Variants in FSTL5 observed in about 807,000 individuals in gnomAD.
The protein encoded by FSTL5 is follistatin like 5, also known as follistatin-related protein 5.
FSTL5 carries 62 observed loss-of-function variants against 89.1 expected under a neutral mutation model. The ratio of observed to expected loss-of-function variants is 0.70; its 90% CI spans 0.57 to 0.86. The LOEUF (loss-of-function observed/expected upper bound fraction) is 0.86, where lower values mean the gene tolerates loss of function less well. Among genes scored for constraint, FSTL5 ranks in the 40% least tolerant of loss-of-function variants. The pLI is 0.00. For missense variants in FSTL5, 1,057 were observed against 1,001.6 expected, an observed-to-expected ratio of 1.06 and a Z score of -0.75; for synonymous variants, 383 against 346.2, an observed-to-expected ratio of 1.11 and a Z score of -1.18.
chr4:161,892,232 T>A (rs1244350768), intron 4 of FSTL5, among the ~76,000 whole-genome samples: 3 of 152,010 alleles, frequency 2.0e-5, no homozygotes, highest in Non-Finnish European at 4.4e-5. Flanking sequence ...TTTTTTCTAC[T>A]AACTTTTCAA....
In FSTL5 at chr4:161,487,940, C is replaced by T. The variant is rs564788394; in HGVS notation, c.1459-6771G>A. Among the ~76,000 whole-genome samples, 42 of 152,134 alleles carry T rather than the reference C, an allele frequency of 2.8e-4. 1 individual carries two copies. In the South Asian group the frequency reaches 8.5e-3, roughly 31 times the overall value. ...GGTTTAGATTCCTAGGATATATTTA[C>T]AGTCATGTAGAAATATTTATCTCTA... On this transcript the variant is annotated intron_variant, in intron 12 of 15. Transcript: ENST00000306100.
intron 3 of FSTL5, 56 bp downstream of exon 3, chr4:162,033,569 T>G (rs1448658823): frequency 1.1e-6 from 1 of 921,526 alleles, no homozygotes; most frequent in Non-Finnish European, 1.6e-6. Context: ...TCACATATCT[T>G]TTTTCTTTCT....
At chr4:162,038,048 G>A (rs1453705675) in intron 2 of FSTL5, among the ~76,000 whole-genome samples, 1 of 151,820 alleles carries the variant, frequency 6.6e-6, no homozygotes, top group African/African-American at 2.4e-5. Context: ...CTGTCCACAC[G>A]ATTCATTTGA....
At chr4:161,965,095 C>A (rs955282005) in intron 3 of FSTL5, among the ~76,000 whole-genome samples, 10 of 152,012 alleles carry the variant, frequency 6.6e-5, no homozygotes, top group Non-Finnish European at 1.3e-4. Context: ...TAATTGTTTT[C>A]AATATTTTTC....
At chr4:162,009,740 A>T (rs1736708017) in intron 3 of FSTL5, among the ~76,000 whole-genome samples, 1 of 152,036 alleles carries the variant, frequency 6.6e-6, no homozygotes, top group South Asian at 2.1e-4. Flanking sequence ...TCATTCCTAC[A>T]TTATTCTATG....
intron 6 of FSTL5, among the ~76,000 whole-genome samples, chr4:161,710,269 A>T (rs868604198): frequency 3.9e-5 from 6 of 152,162 alleles, no homozygotes; most frequent in Non-Finnish European, 8.8e-5. Context: ...CACCTGGCCA[A>T]ACACAGACTT....
intron 4 of FSTL5, among the ~76,000 whole-genome samples, chr4:161,824,001 A>G (rs997827978): frequency 6.6e-6 from 1 of 152,138 alleles, no homozygotes; most frequent in Non-Finnish European, 1.5e-5. Context: ...TGCTGGGCAG[A>G]AGGTTTTTAT....
At chr4:161,490,990 C>A (rs979626659) in intron 12 of FSTL5, among the ~76,000 whole-genome samples, 3 of 151,902 alleles carry the variant, frequency 2.0e-5, no homozygotes, top group East Asian at 3.9e-4. Context: ...TAGCTCTGTA[C>A]CTACCTTCAT....
chr4:161,751,488 T>G (rs1740389132), intron 6 of FSTL5, among the ~76,000 whole-genome samples: 3 of 152,058 alleles, frequency 2.0e-5, no homozygotes, highest in African/African-American at 7.2e-5. Flanking sequence ...AACTCTAACA[T>G]AAAATGTTTT....
intron 5 of FSTL5, 107 bp from the exon 6 acceptor site, chr4:161,759,638 C>T (rs1740713099): frequency 1.5e-6 from 1 of 683,270 alleles, no homozygotes; most frequent in South Asian, 5.7e-5. Context: ...ATGTCTGCAG[C>T]AGGGCAAAAA....
At chr4:162,066,583 GC>G (rs1377612095) in intron 2 of FSTL5, among the ~76,000 whole-genome samples, 1 of 44,682 alleles carries the variant, frequency 2.2e-5, no homozygotes, top group African/African-American at 9.4e-5. Flanking sequence ...CCCTCCCCTT[GC>G]CCCCCCACCC....
chr4:161,761,962 T>G (rs1740826052), intron 5 of FSTL5, among the ~76,000 whole-genome samples: 1 of 152,196 alleles, frequency 6.6e-6, no homozygotes, highest in African/African-American at 2.4e-5. Flanking sequence ...GGGGAAGCTT[T>G]GTCACATTCT....
chr4:162,119,056 T>TA (rs948050663), intron 1 of FSTL5, among the ~76,000 whole-genome samples: 4 of 151,994 alleles, frequency 2.6e-5, no homozygotes, highest in Non-Finnish European at 4.4e-5. Flanking sequence ...ACCCCCTCTC[T>TA]AAAAAATATA....
At chr4:161,611,231 CATATATATAT>C (rs70937667) in intron 7 of FSTL5, among the ~76,000 whole-genome samples, 3,324 of 128,454 alleles carry the variant, frequency 0.026, 103 homozygotes, top group African/African-American at 0.07. Flanking sequence ...TATGTGTATA[CATATATATAT>C]ATATATATAT....
intron 1 of FSTL5, among the ~76,000 whole-genome samples, chr4:162,137,069 A>AATTT (rs1487029836): frequency 6.6e-6 from 1 of 152,090 alleles, no homozygotes; most frequent in Non-Finnish European, 1.5e-5. Flanking sequence ...AACCATACTA[A>AATTT]ACAAGAGAGA....
intron 2 of FSTL5, among the ~76,000 whole-genome samples, chr4:162,085,695 C>G (rs561195485): frequency 1.3e-5 from 2 of 152,004 alleles, no homozygotes; most frequent in Non-Finnish European, 2.9e-5. Context: ...TGATACTTGA[C>G]AAAGTATGGA....
intron 13 of FSTL5, among the ~76,000 whole-genome samples, chr4:161,465,020 A>G (rs979122876): frequency 6.6e-6 from 1 of 152,132 alleles, no homozygotes; most frequent in Non-Finnish European, 1.5e-5. Flanking sequence ...GGATAAAAGT[A>G]AACAGAAGAC....
At position 161,476,192 on chromosome 4, in the gene FSTL5, TG is replaced by T. The variant is rs756459585; in HGVS notation, c.1608+4827del. On this transcript the variant is annotated intron_variant, in intron 13 of 15. Transcript: ENST00000306100. ...TTGCTGGTTTTTTTTTTTTTTTGTT[TG>T]TTTGTTTTTTTGAGAAAGAGTTTTG... Among the ~76,000 whole-genome samples, 340 of 113,584 alleles carry T rather than the reference TG, an allele frequency of 3.0e-3. 11 individuals carry two copies. The highest frequency in any genetic ancestry group is 0.017 in the Middle Eastern group (3 of 176). 74.5% of individuals were successfully genotyped at this position (113,584 alleles called of 152,430 possible).
At chr4:161,705,798 T>C (rs1367504861) in intron 6 of FSTL5, among the ~76,000 whole-genome samples, 1 of 150,338 alleles carries the variant, frequency 6.7e-6, no homozygotes, top group African/African-American at 2.4e-5. Flanking sequence ...ATAGTTACTA[T>C]AATGATGATT....
Sources: gnomAD v4.1 joint callset for allele counts (sites outside exome capture counted in the v4.1 genomes callset) on GRCh38, gnomAD v4.1.1 for gene constraint, MANE v1.5 for transcripts, NCBI Gene and HGNC (gene_info 2026-07-23, HGNC 2026-07-21) for gene names.